Variants in WDR70 observed in about 807,000 individuals in gnomAD.
WDR70 encodes WD repeat domain 70.
In WDR70, 53 loss-of-function variants were observed where a neutral mutation model predicts 88.6. That is an observed-to-expected ratio of 0.60 (90% CI 0.48 to 0.75). The LOEUF (loss-of-function observed/expected upper bound fraction) is 0.75. Among genes scored for constraint, WDR70 ranks in the 30% least tolerant of loss-of-function variants. The pLI, the probability that WDR70 is intolerant of heterozygous loss-of-function variation, is 0.00. For synonymous variants in WDR70, 280 were observed against 270.0 expected, an observed-to-expected ratio of 1.04 and a Z score of -0.36; for missense variants, 610 against 823.2, an observed-to-expected ratio of 0.74 and a Z score of 3.17.
rs141287132 is a variant in WDR70 at position 37,702,816 on chromosome 5, T to C, written c.1278-133T>C. ...AGGATTATTGTGACGATTAAACAAA[T>C]TAATATAAGTGCTTGACTCATAAGC... On this transcript the variant is annotated intron_variant, in intron 12 of 17. Coordinates refer to ENST00000265107, the MANE Select transcript of WDR70 (RefSeq NM_018034.4). The C allele has an allele frequency of 6.0e-6, 5 of 840,096 alleles. No homozygotes were observed. The African/African-American group carries it at 8.4e-5, about 14-fold the overall frequency. 52.0% of individuals were successfully genotyped at this position (840,096 alleles called of 1,614,324 possible). A position where few individuals can be genotyped will look rare whatever the true frequency, so the allele number is the denominator to read the frequency against.
intron 9 of WDR70, among the ~76,000 whole-genome samples, chr5:37,542,228 G>A (rs1741841843): frequency 6.6e-6 from 1 of 151,380 alleles, no homozygotes; most frequent in African/African-American, 2.4e-5. Flanking sequence ...ACTGTGAAAT[G>A]AATATTTACA....
At chr5:37,509,920 G>T (rs1581349588) in intron 8 of WDR70, among the ~76,000 whole-genome samples, 1 of 151,654 alleles carries the variant, frequency 6.6e-6, no homozygotes, top group African/African-American at 2.4e-5. Flanking sequence ...AATCAGCTGG[G>T]TGTAGCGGTG....
At chr5:37,727,670 G>A (rs2112707278) in intron 17 of WDR70, among the ~76,000 whole-genome samples, 1 of 152,064 alleles carries the variant, frequency 6.6e-6, no homozygotes, top group Admixed American at 6.6e-5. Context: ...CAAACTCCTG[G>A]GCTCAAAGGA....
chr5:37,556,520 C>T (rs1742299088), intron 9 of WDR70, among the ~76,000 whole-genome samples: 1 of 152,122 alleles, frequency 6.6e-6, no homozygotes, highest in South Asian at 2.1e-4. Flanking sequence ...TTTAGAAGTC[C>T]TTGATCTTAA....
At chr5:37,476,767 G>C (rs1739498847) in intron 7 of WDR70, among the ~76,000 whole-genome samples, 1 of 152,128 alleles carries the variant, frequency 6.6e-6, no homozygotes, top group East Asian at 1.9e-4. Context: ...AGCCAGGATG[G>C]TCTCGATCTC....
intron 7 of WDR70, among the ~76,000 whole-genome samples, chr5:37,471,978 G>A (rs1224291027): frequency 6.6e-6 from 1 of 151,562 alleles, no homozygotes; most frequent in African/African-American, 2.4e-5. Context: ...TGCTCCTAAT[G>A]TCAGAGGGAA....
At chr5:37,383,513 C>T (rs1419224052) in intron 3 of WDR70, among the ~76,000 whole-genome samples, 6 of 152,032 alleles carry the variant, frequency 3.9e-5, no homozygotes, top group East Asian at 3.9e-4. Context: ...CCGCCCGCCT[C>T]GGCCTCCCAA....
chr5:37,684,036 C>T (rs920422118), intron 10 of WDR70, among the ~76,000 whole-genome samples: 1 of 152,054 alleles, frequency 6.6e-6, no homozygotes, highest in Non-Finnish European at 1.5e-5. Context: ...GTTTTAGATG[C>T]TCCTTTTCAT....
chr5:37,691,066 G>A (rs962863115), intron 10 of WDR70, among the ~76,000 whole-genome samples: 6 of 152,114 alleles, frequency 3.9e-5, no homozygotes, highest in Non-Finnish European at 5.9e-5. Context: ...AAAAGCGGGG[G>A]TTGCAATCCT....
intron 9 of WDR70, among the ~76,000 whole-genome samples, chr5:37,520,328 A>G (rs1219518257): frequency 6.6e-6 from 1 of 152,112 alleles, no homozygotes; most frequent in Non-Finnish European, 1.5e-5. Flanking sequence ...TCATAGAGGA[A>G]TTTAAAAAAT....
intron 10 of WDR70, among the ~76,000 whole-genome samples, chr5:37,647,467 T>C (rs1745271042): frequency 1.3e-5 from 2 of 152,166 alleles, no homozygotes; most frequent in Non-Finnish European, 2.9e-5. Flanking sequence ...GTTGGGTATT[T>C]ATTGTAGTCT....
At chr5:37,418,393 C>G (rs1749827179) in intron 5 of WDR70, among the ~76,000 whole-genome samples, 1 of 152,142 alleles carries the variant, frequency 6.6e-6, no homozygotes, top group South Asian at 2.1e-4. Context: ...GATCTCGGCT[C>G]ACTGCAAGCT....
chr5:37,401,065 C>A (rs1368569319), intron 5 of WDR70, among the ~76,000 whole-genome samples: 1 of 150,486 alleles, frequency 6.6e-6, no homozygotes, highest in Non-Finnish European at 1.5e-5. Flanking sequence ...GTGGTGTAAT[C>A]AAAGCTCACT....
intron 9 of WDR70, among the ~76,000 whole-genome samples, chr5:37,517,118 G>A (rs907900548): frequency 3.3e-5 from 5 of 152,162 alleles, no homozygotes; most frequent in Non-Finnish European, 7.4e-5. Context: ...ATAAATTCCT[G>A]TAGAGTTTAT....
chr5:37,679,951 C>G (rs1362049496), intron 10 of WDR70, among the ~76,000 whole-genome samples: 1 of 152,264 alleles, frequency 6.6e-6, no homozygotes, highest in African/African-American at 2.4e-5. Context: ...GGCGCCCCTC[C>G]CCCAGCCTCA....
At chr5:37,598,958 A>C (rs1165637366) in intron 9 of WDR70, among the ~76,000 whole-genome samples, 1 of 152,204 alleles carries the variant, frequency 6.6e-6, no homozygotes, top group Non-Finnish European at 1.5e-5. Context: ...AATTCTTTCC[A>C]GTTACAAGTT....
At chr5:37,694,412 G>A (rs561431962) in intron 10 of WDR70, among the ~76,000 whole-genome samples, 31 of 152,250 alleles carry the variant, frequency 2.0e-4, no homozygotes, top group African/African-American at 6.0e-4. Context: ...TGTTAATTGC[G>A]GCACTATTCA....
At chr5:37,385,344 G>A (rs1055684835) in intron 3 of WDR70, among the ~76,000 whole-genome samples, 3 of 151,702 alleles carry the variant, frequency 2.0e-5, no homozygotes, top group African/African-American at 7.3e-5. Flanking sequence ...AACACAGTGA[G>A]ATCCCATTCA....
rs1018023273 is a variant in WDR70, at chr5:37,391,875, C to T, written c.176-125C>T. The T allele has an allele frequency of 1.2e-5, 12 of 1,036,266 alleles. No individual in the cohort carries two copies. The African/African-American group carries it at 1.5e-4, about 13-fold the overall frequency. The allele number at this position is 1,036,266 out of a possible 1,614,324, so 64.2% of individuals were successfully genotyped here. On this transcript the variant is annotated intron_variant, in intron 3 of 17. Coordinates refer to ENST00000265107, the MANE Select transcript of WDR70 (RefSeq NM_018034.4). ...AGTGGCTGTGGTTGATAATTTTTTG[C>T]TGTTACTGCTAACACTCTAAGTTAT...
Sources: gnomAD v4.1 joint callset for allele counts (sites outside exome capture counted in the v4.1 genomes callset) on GRCh38, gnomAD v4.1.1 for gene constraint, MANE v1.5 for transcripts, NCBI Gene and HGNC (gene_info 2026-07-23, HGNC 2026-07-21) for gene names.